The following MOB3B variants were observed in gnomAD, a reference collection of about 807,000 sequenced individuals.
The protein encoded by MOB3B is MOB kinase activator 3B.
Under a neutral mutation model 18.7 loss-of-function variants are expected in MOB3B, and 7 were observed. That is an observed-to-expected ratio of 0.37 (90% CI 0.21 to 0.70). The LOEUF is 0.70. Ranked by LOEUF, MOB3B falls within the 30% of genes least tolerant of loss-of-function variation. The pLI, the probability that MOB3B is intolerant of heterozygous loss-of-function variation, is 0.52. For missense variants in MOB3B, 253 were observed against 281.3 expected (o/e 0.90, Z 0.72); for synonymous variants, 111 against 99.9 (o/e 1.11, Z -0.66).
chr9:27,448,431 A>G (rs564657029), intron 2 of MOB3B, among the ~76,000 whole-genome samples: 139 of 152,318 alleles, frequency 9.1e-4, no homozygotes, highest in African/African-American at 3.0e-3. Flanking sequence ...CCTCACAATC[A>G]TGGTGGAAAG....
At chr9:27,336,139 C>T (rs1820859739) in intron 3 of MOB3B, among the ~76,000 whole-genome samples, 1 of 152,164 alleles carries the variant, frequency 6.6e-6, no homozygotes, top group African/African-American at 2.4e-5. Context: ...TTCTAATTTA[C>T]AGATGAGGAA....
intron 1 of MOB3B, among the ~76,000 whole-genome samples, chr9:27,468,323 C>G (rs967674648): frequency 6.6e-6 from 1 of 152,180 alleles, no homozygotes; most frequent in South Asian, 2.1e-4. Context: ...CAGTCCCATG[C>G]CCCTGTATGT....
At chr9:27,523,349 T>G (rs1043929458) in intron 1 of MOB3B, among the ~76,000 whole-genome samples, 1 of 151,770 alleles carries the variant, frequency 6.6e-6, no homozygotes, top group Non-Finnish European at 1.5e-5. Flanking sequence ...ACCTCCTCAG[T>G]GCACAACAAA....
At chr9:27,415,944 T>C (rs1473553036) in intron 2 of MOB3B, among the ~76,000 whole-genome samples, 1 of 152,214 alleles carries the variant, frequency 6.6e-6, no homozygotes, top group Admixed American at 6.5e-5. Context: ...CACAGACATA[T>C]GATTAGATTT....
intron 2 of MOB3B, among the ~76,000 whole-genome samples, chr9:27,447,799 A>G (rs1368005517): frequency 6.6e-6 from 1 of 152,208 alleles, no homozygotes; most frequent in Non-Finnish European, 1.5e-5. Flanking sequence ...AACTGTGACC[A>G]TCATAATAGA....
intron 2 of MOB3B, among the ~76,000 whole-genome samples, chr9:27,444,087 A>G (rs1459141975): frequency 6.6e-6 from 1 of 151,834 alleles, no homozygotes; most frequent in Non-Finnish European, 1.5e-5. Flanking sequence ...GTAAATGGAA[A>G]CCTCTGCCTT....
chr9:27,468,884 T>C (rs1325469299), intron 1 of MOB3B, among the ~76,000 whole-genome samples: 5 of 152,200 alleles, frequency 3.3e-5, no homozygotes, highest in African/African-American at 9.7e-5. Flanking sequence ...CTACTGGACA[T>C]GATGTTTCCC....
chr9:27,388,003 C>T (rs892208118), intron 2 of MOB3B, among the ~76,000 whole-genome samples: 1 of 152,166 alleles, frequency 6.6e-6, no homozygotes, highest in Non-Finnish European at 1.5e-5. Flanking sequence ...AATTGGGAGT[C>T]AGCTACCACT....
chr9:27,489,430 A>G (rs1819780305), intron 1 of MOB3B, among the ~76,000 whole-genome samples: 2 of 152,206 alleles, frequency 1.3e-5, no homozygotes, highest in Non-Finnish European at 2.9e-5. Context: ...GTCAAAAACA[A>G]GTATGGTGGG....
chr9:27,491,659 G>C (rs555732075), intron 1 of MOB3B, among the ~76,000 whole-genome samples: 2 of 152,252 alleles, frequency 1.3e-5, no homozygotes, highest in Non-Finnish European at 2.9e-5. Context: ...AGATCACAAG[G>C]TCAGGAGATT....
chr9:27,331,139 A>T (rs957884669), intron 3 of MOB3B, among the ~76,000 whole-genome samples: 1 of 152,246 alleles, frequency 6.6e-6, no homozygotes, highest in Non-Finnish European at 1.5e-5. Context: ...GGACATTTTT[A>T]AAAATAGAAA....
chr9:27,523,900 A>T lies in MOB3B; in HGVS notation c.-199+5655T>A, dbSNP rs1191698441. The stretch of plus-strand genomic sequence containing the variant: ...AGGATGTTTGGCTATAGCACCAGGT[A>T]CAAAAAATATATTTTCATGAAGGAT... On this transcript the variant is annotated intron_variant, in intron 1 of 3. Coordinates refer to ENST00000262244, the MANE Select transcript of MOB3B (RefSeq NM_024761.5). 5.3e-5 allele frequency among the ~76,000 whole-genome samples: 8 copies of T among 152,278 alleles called. No homozygotes were observed. The South Asian group carries it at 1.7e-3, about 32-fold the overall frequency.
chr9:27,330,581 G>A lies in MOB3B; in HGVS notation c.*6C>T. The stretch of plus-strand genomic sequence containing the variant: ...TTTCCTTTCTTCCAAAGGGTGAGGT[G>A]GAGCATTAGTGACACATCCTGCTCG... On this transcript the variant is annotated 3_prime_UTR_variant, in exon 4 of 4. Coordinates refer to ENST00000262244, the MANE Select transcript of MOB3B (RefSeq NM_024761.5). 6.2e-7 allele frequency: 1 copy of A among 1,613,904 alleles called. No individual in the cohort carries two copies. Among genetic ancestry groups the A allele is most frequent in the Middle Eastern group, 1.6e-4 (1 of 6,062 alleles).
chr9:27,377,283 CTT>C, intron 2 of MOB3B, among the ~76,000 whole-genome samples: 1 of 152,318 alleles, frequency 6.6e-6, no homozygotes, highest in African/African-American at 2.4e-5. Flanking sequence ...TTTCCTAACT[CTT>C]TTCCAGGCCT....
intron 3 of MOB3B, among the ~76,000 whole-genome samples, chr9:27,331,541 A>G (rs911263954): frequency 2.0e-5 from 3 of 152,228 alleles, no homozygotes; most frequent in African/African-American, 7.2e-5. Flanking sequence ...ACTAAGTGCC[A>G]GGAAAAAGAA....
intron 2 of MOB3B, among the ~76,000 whole-genome samples, chr9:27,418,769 G>T (rs780477727): frequency 3.3e-5 from 5 of 152,102 alleles, no homozygotes; most frequent in Non-Finnish European, 7.4e-5. Context: ...TCTGAGAACT[G>T]GAACAAGACA....
intron 2 of MOB3B, among the ~76,000 whole-genome samples, chr9:27,430,070 T>C (rs188046554): frequency 3.3e-5 from 5 of 152,304 alleles, no homozygotes; most frequent in African/African-American, 1.2e-4. Flanking sequence ...CCCAGAGCTG[T>C]TGCTTAAACA....
chr9:27,497,098 ATT>A (rs1819914332), intron 1 of MOB3B, among the ~76,000 whole-genome samples: 1 of 152,214 alleles, frequency 6.6e-6, no homozygotes, highest in Admixed American at 6.5e-5. Flanking sequence ...GTCAAAGAAT[ATT>A]CTGAGTAGCT....
chr9:27,482,048 G>T (rs1819668077), intron 1 of MOB3B, among the ~76,000 whole-genome samples: 1 of 152,026 alleles, frequency 6.6e-6, no homozygotes, highest in Non-Finnish European at 1.5e-5. Flanking sequence ...TGAACGAAAA[G>T]CACGGTAAAT....
Sources: gnomAD v4.1 joint callset for allele counts (sites outside exome capture counted in the v4.1 genomes callset) on GRCh38, gnomAD v4.1.1 for gene constraint, MANE v1.5 for transcripts, NCBI Gene and HGNC (gene_info 2026-07-23, HGNC 2026-07-21) for gene names.